The following KCNQ4 variants were observed in gnomAD, a reference collection of about 807,000 sequenced individuals.
KCNQ4 encodes the protein potassium voltage-gated channel subfamily KQT member 4.
KCNQ4 carries 31 observed loss-of-function variants against 72.6 expected under a neutral mutation model. That is an observed-to-expected ratio of 0.43 (90% CI 0.32 to 0.58). The LOEUF is 0.58. KCNQ4 is among the 20% of genes least tolerant of loss of function. The pLI is 0.08. For missense variants in KCNQ4, 869 were observed against 962.6 expected, an observed-to-expected ratio of 0.90 and a Z score of 1.29; for synonymous variants, 405 against 403.7, an observed-to-expected ratio of 1.00 and a Z score of -0.04.
chr1:40,812,156 G>A (rs1237493522), intron 1 of KCNQ4, among the ~76,000 whole-genome samples: 2 of 152,204 alleles, frequency 1.3e-5, no homozygotes, highest in African/African-American at 2.4e-5. Context: ...CTGCAGCTCT[G>A]CCACTGATTC....
chr1:40,832,178 T>C (rs934246507), intron 10 of KCNQ4, among the ~76,000 whole-genome samples: 1 of 152,206 alleles, frequency 6.6e-6, no homozygotes, highest in African/African-American at 2.4e-5. Flanking sequence ...CTCCCAGCTT[T>C]GACATACTTT....
intron 1 of KCNQ4, among the ~76,000 whole-genome samples, chr1:40,792,867 C>T (rs1235091213): frequency 6.6e-6 from 1 of 152,064 alleles, no homozygotes; most frequent in Non-Finnish European, 1.5e-5. Context: ...TGCCCAAAGT[C>T]AACATAGCTG....
At chr1:40,837,625 G>T in intron 12 of KCNQ4, 40 bp from the exon 13 acceptor site, 2 of 1,599,040 alleles carry the variant, frequency 1.3e-6, no homozygotes, top group Non-Finnish European at 1.7e-6. Context: ...AGGGAGGGAC[G>T]GCGTGTCCCC....
chr1:40,787,928 T>G (rs990244778), intron 1 of KCNQ4, among the ~76,000 whole-genome samples: 2 of 152,168 alleles, frequency 1.3e-5, no homozygotes, highest in Non-Finnish European at 1.5e-5. Context: ...CCAGCCACTA[T>G]GAGCCGCAGG....
intron 1 of KCNQ4, among the ~76,000 whole-genome samples, chr1:40,801,160 G>T (rs1284697439): frequency 6.6e-6 from 1 of 151,498 alleles, no homozygotes; most frequent in Non-Finnish European, 1.5e-5. Context: ...GTGGTGGTCA[G>T]TGAGAGGCTG....
Position 40,824,191 on chromosome 1 carries a change from C to T in KCNQ4, c.1225C>T (p.Pro409Ser), listed in dbSNP as rs755290873. Residue 409 changes from proline to serine, a missense_variant, in exon 9 of 14, where the codon CCC becomes TCC. This residue lies in a region of KCNQ4 where 480 missense variants were observed against 501.9 expected (regional missense o/e 0.96). Transcript: ENST00000347132. ...GCGGGCGCCGGTACCCGACGGAGCACCCTCCCGTTACCCGCCCGTTGCCAC... is the reference window on the plus strand; with the variant it reads ...GCGGGCGCCGGTACCCGACGGAGCATCCTCCCGTTACCCGCCCGTTGCCAC... ...VRRAPVPDGA[P>S]SRYPPVATCH... 1 of 1,589,664 alleles carries T rather than the reference C, an allele frequency of 6.3e-7. No individual in the cohort carries two copies. The highest frequency in any genetic ancestry group is 8.6e-7 in the Non-Finnish European group (1 of 1,169,190).
intron 12 of KCNQ4, among the ~76,000 whole-genome samples, chr1:40,837,091 C>CTTTTCTTTTTTTTTTT (rs1553168712): frequency 1.1e-5 from 1 of 93,082 alleles, no homozygotes; most frequent in Non-Finnish European, 2.0e-5. Flanking sequence ...CTTTTCTTTT[C>CTTTTCTTTTTTTTTTT]TTTTTTTTTT....
intron 1 of KCNQ4, among the ~76,000 whole-genome samples, chr1:40,786,048 T>C (rs1168582204): frequency 6.6e-6 from 1 of 152,102 alleles, no homozygotes; most frequent in Non-Finnish European, 1.5e-5. Context: ...TATTTGTGGC[T>C]ATAAAGAGGC....
At chr1:40,791,629 C>T (rs1415934334) in intron 1 of KCNQ4, among the ~76,000 whole-genome samples, 1 of 152,140 alleles carries the variant, frequency 6.6e-6, no homozygotes, top group Non-Finnish European at 1.5e-5. Context: ...AGGAGCTCAG[C>T]GATTCCCTCC....
At chr1:40,791,753 G>A (rs1009812765) in intron 1 of KCNQ4, among the ~76,000 whole-genome samples, 1 of 152,180 alleles carries the variant, frequency 6.6e-6, no homozygotes, top group African/African-American at 2.4e-5. Context: ...CACCCAGGCC[G>A]GGAAGGTGGG....
At chr1:40,797,272 C>T (rs1647442229) in intron 1 of KCNQ4, among the ~76,000 whole-genome samples, 1 of 152,142 alleles carries the variant, frequency 6.6e-6, no homozygotes, top group Non-Finnish European at 1.5e-5. Flanking sequence ...GGGAAGGCTT[C>T]CCAGAGGAAG....
chr1:40,817,048 T>C lies in KCNQ4; in HGVS notation c.315-217T>C, dbSNP rs1648106348. On this transcript the variant is annotated intron_variant, in intron 1 of 13. Transcript: ENST00000347132. The surrounding 1 kb of genome is among the most constrained non-coding windows in gnomAD (Gnocchi z 5.5). ...AGCTGCAGCCTGCAGCAGGGGGCAA[T>C]TGAGATAGTTGTGAGGTCCAGTAGC... Among the ~76,000 whole-genome samples, 1 of 152,226 alleles carries C rather than the reference T, an allele frequency of 6.6e-6. No homozygotes were observed. The highest frequency in any genetic ancestry group is 2.4e-5 in the African/African-American group (1 of 41,454).
At chr1:40,837,554 C>T (rs1430736809) in intron 12 of KCNQ4, 111 bp from the exon 13 acceptor site, 1 of 1,377,964 alleles carries the variant, frequency 7.3e-7, no homozygotes, top group Admixed American at 2.2e-5. Flanking sequence ...CCCCTTCCCT[C>T]AGATTGCCTG....
chr1:40,802,475 A>C (rs1272990608), intron 1 of KCNQ4, among the ~76,000 whole-genome samples: 1 of 151,960 alleles, frequency 6.6e-6, no homozygotes, highest in Non-Finnish European at 1.5e-5. Flanking sequence ...GGGGCCTGGC[A>C]TTGGCAAAGC....
intron 10 of KCNQ4, 64 bp downstream of exon 10, chr1:40,831,368 TG>T: frequency 7.3e-7 from 1 of 1,376,038 alleles, no homozygotes; most frequent in Non-Finnish European, 1.0e-6. Flanking sequence ...GGGGACAGTC[TG>T]GGCTGGGAGC....
intron 9 of KCNQ4, among the ~76,000 whole-genome samples, chr1:40,826,159 A>G (rs1253000788): frequency 1.3e-5 from 2 of 152,092 alleles, no homozygotes; most frequent in Non-Finnish European, 2.9e-5. Flanking sequence ...ACACATATAC[A>G]CACTCGGTTG....
rs144668504 is a variant in KCNQ4, at chr1:40,799,621, G to A, written c.314+15214G>A. ...TCATGGCAGGAGGCCCTGGCAGCAC[G>A]CCCACTGGCCCCCACCAGGGACTGA... On this transcript the variant is annotated intron_variant, in intron 1 of 13. Coordinates refer to ENST00000347132, the MANE Select transcript of KCNQ4 (RefSeq NM_004700.4). Among the ~76,000 whole-genome samples the A allele has an allele frequency of 5.8e-3, 882 of 152,274 alleles. 10 individuals are homozygous for A. Among genetic ancestry groups the A allele is most frequent in the African/African-American group, 0.02 (833 of 41,566 alleles).
intron 7 of KCNQ4, among the ~76,000 whole-genome samples, chr1:40,820,853 G>A (rs1034820395): frequency 3.3e-5 from 5 of 152,214 alleles, no homozygotes; most frequent in African/African-American, 7.2e-5. Context: ...TGTGTGGGCT[G>A]AGGCCAGGGC....
At chr1:40,822,203 C>A in intron 7 of KCNQ4, 111 bp from the exon 8 acceptor site, 1 of 908,366 alleles carries the variant, frequency 1.1e-6, no homozygotes, top group Non-Finnish European at 1.8e-6. Flanking sequence ...TGGCCTCTGG[C>A]TCTGGGTAAC....
Sources: gnomAD v4.1 joint callset for allele counts (sites outside exome capture counted in the v4.1 genomes callset) on GRCh38, gnomAD v4.1.1 for gene constraint, gnomAD v4.1.1 regional missense constraint, Gnocchi (gnomAD v3.1) non-coding constraint, MANE v1.5 for transcripts, NCBI Gene and HGNC (gene_info 2026-07-23, HGNC 2026-07-21) for gene names.